CHCT1: variants seen among roughly 807,000 people sequenced by gnomAD.
CHCT1 encodes CHD1 helical C-terminal domain containing 1, also known as CHD1 helical C-terminal domain containing protein 1.
At chr17:60,429,454 C>G in the CHCT1 span, 15 of 1,614,134 alleles carry the variant, frequency 9.3e-6, no homozygotes, top group African/African-American at 1.3e-5. Flanking sequence ...GGGGGCTGCA[C>G]AGCAACATCA....
At chr17:60,426,536 G>A in the CHCT1 span, 29 of 1,078,068 alleles carry the variant, frequency 2.7e-5, no homozygotes, top group Admixed American at 1.1e-4. Context: ...GCGTGCAGGC[G>A]CTCAATACCA....
chr17:60,423,570 TCTC>T, the CHCT1 span, among the ~76,000 whole-genome samples: 2 of 152,088 alleles, frequency 1.3e-5, no homozygotes, highest in Non-Finnish European at 2.9e-5. Context: ...TTCCAGCAAT[TCTC>T]CTGCCCCAGC....
chr17:60,426,213 C>T, the CHCT1 span: 1 of 1,551,816 alleles, frequency 6.4e-7, no homozygotes, highest in South Asian at 1.2e-5. Context: ...TTGCACCTGC[C>T]CAGGGACCTT....
chr17:60,426,307 C>T, the CHCT1 span: 1 of 1,551,534 alleles, frequency 6.4e-7, no homozygotes, highest in African/African-American at 1.4e-5. Context: ...AGCATTACTG[C>T]CAAGCCTGGG....
At chr17:60,422,031 CAGCACGG>C in the CHCT1 span, 1 of 854,556 alleles carries the variant, frequency 1.2e-6, no homozygotes, top group Non-Finnish European at 1.4e-6. Context: ...ACCCAGCACC[CAGCACGG>C]AGGGCTTATT....
At chr17:60,424,192 T>TC in the CHCT1 span, among the ~76,000 whole-genome samples, 1 of 152,034 alleles carries the variant, frequency 6.6e-6, no homozygotes, top group Non-Finnish European at 1.5e-5. Flanking sequence ...CCCAAACACC[T>TC]CCCATCAGAC....
the CHCT1 span, among the ~76,000 whole-genome samples, chr17:60,422,891 A>T: frequency 6.6e-6 from 1 of 151,978 alleles, no homozygotes; most frequent in Non-Finnish European, 1.5e-5. Context: ...GTGTATGTAT[A>T]CACATGGTCT....
At chr17:60,424,957 T>G in the CHCT1 span, among the ~76,000 whole-genome samples, 1 of 152,282 alleles carries the variant, frequency 6.6e-6, no homozygotes, top group Admixed American at 6.5e-5. Flanking sequence ...CATTGCGTTT[T>G]CTCTTTAAAT....
chr17:60,425,869 G>A, the CHCT1 span: 6 of 1,551,306 alleles, frequency 3.9e-6, no homozygotes, highest in Admixed American at 5.9e-5. Flanking sequence ...GCCTGGATCA[G>A]GACACCTTCA....
At chr17:60,429,413 G>A in the CHCT1 span, 1 of 1,614,238 alleles carries the variant, frequency 6.2e-7, no homozygotes, top group Non-Finnish European at 8.5e-7. Context: ...GGCCGACCGG[G>A]AAGACAGTCT....
At chr17:60,427,801 A>G in the CHCT1 span, among the ~76,000 whole-genome samples, 1 of 152,074 alleles carries the variant, frequency 6.6e-6, no homozygotes, top group East Asian at 1.9e-4. Flanking sequence ...GAAGAGTGCC[A>G]TGGTCCTAAA....
the CHCT1 span, chr17:60,422,295 C>T: frequency 2.1e-6 from 1 of 483,992 alleles, no homozygotes; most frequent in Non-Finnish European, 3.5e-6. Context: ...AGAAGGGGCG[C>T]CAGCCTCTCC....
At chr17:60,424,499 TTAAC>T in the CHCT1 span, among the ~76,000 whole-genome samples, 1 of 152,206 alleles carries the variant, frequency 6.6e-6, no homozygotes, top group African/African-American at 2.4e-5. Flanking sequence ...AAAATGAAAA[TTAAC>T]TGAGCTTGCA....
At chr17:60,423,896 C>T in the CHCT1 span, among the ~76,000 whole-genome samples, 1 of 152,204 alleles carries the variant, frequency 6.6e-6, no homozygotes, top group Admixed American at 6.5e-5. Context: ...TAAAGGAATA[C>T]TTGAGGCTAG....
At chr17:60,423,005 C>T in the CHCT1 span, among the ~76,000 whole-genome samples, 1 of 152,018 alleles carries the variant, frequency 6.6e-6, no homozygotes, top group Non-Finnish European at 1.5e-5. Context: ...CTCCATGCAC[C>T]TCCCTCCCCC....
chr17:60,428,909 T>G, the CHCT1 span, among the ~76,000 whole-genome samples: 4 of 151,704 alleles, frequency 2.6e-5, no homozygotes, highest in African/African-American at 9.7e-5. Context: ...GCTCCCATTT[T>G]TTTTTTTTTT....
At chr17:60,422,348 A>T in the CHCT1 span, 1 of 980,518 alleles carries the variant, frequency 1.0e-6, no homozygotes, top group Non-Finnish European at 1.4e-6. Flanking sequence ...TCGACCCCGC[A>T]CATCTTGCTC....
At chr17:60,424,997 C>A in the CHCT1 span, among the ~76,000 whole-genome samples, 2 of 152,194 alleles carry the variant, frequency 1.3e-5, no homozygotes, top group Non-Finnish European at 2.9e-5. Context: ...ACCACTCAAA[C>A]TACAGATGGC....
the CHCT1 span, among the ~76,000 whole-genome samples, chr17:60,423,268 T>A: frequency 7.2e-5 from 11 of 152,012 alleles, no homozygotes; most frequent in East Asian, 1.5e-3. Context: ...CTTGGCCCAC[T>A]GCAACCTCTG....
Sources: gnomAD v4.1 joint callset for allele counts (sites outside exome capture counted in the v4.1 genomes callset) on GRCh38, gnomAD v4.1.1 for gene constraint, MANE v1.5 for transcripts, NCBI Gene and HGNC (gene_info 2026-07-23, HGNC 2026-07-21) for gene names.